PCSK9: variants seen among roughly 807,000 people sequenced by gnomAD.
PCSK9 encodes the protein proprotein convertase subtilisin/kexin type 9.
A neutral mutation model predicts 62.1 loss-of-function variants in PCSK9; 57 were observed. The observed-to-expected ratio is 0.92, with a 90% CI of 0.74 to 1.14. PCSK9 has a LOEUF of 1.14. Among genes scored for constraint, PCSK9 ranks in the 50% most tolerant of loss-of-function variants. The probability of loss-of-function intolerance (pLI) is 0.00; values close to 1 mark genes in which losing one functional copy is unlikely to be tolerated. For missense variants in PCSK9, 870 were observed against 959.8 expected (o/e 0.91, Z 1.24); for synonymous variants, 387 against 409.4 (o/e 0.95, Z 0.66).
At chr1:55,052,573 TC>T in intron 4 of PCSK9, 76 bp from the exon 5 acceptor site, 1 of 1,605,242 alleles carries the variant, frequency 6.2e-7, no homozygotes. Context: ...AGGGCGTTCA[TC>T]CATCCAGCCA....
At chr1:55,052,964 G>C (rs747875175) in intron 5 of PCSK9, among the ~76,000 whole-genome samples, 173 bp downstream of exon 5, 1 of 152,196 alleles carries the variant, frequency 6.6e-6, no homozygotes, top group Non-Finnish European at 1.5e-5. Flanking sequence ...GTGGCCACGA[G>C]TGCAGATGAA....
At chr1:55,057,916 T>C (rs1644727210) in intron 7 of PCSK9, 120 bp from the exon 8 acceptor site, 1 of 1,390,158 alleles carries the variant, frequency 7.2e-7, no homozygotes, top group African/African-American at 1.4e-5. Flanking sequence ...GAAGAGAGCT[T>C]AGTGTCTGTG....
In PCSK9 at chr1:55,063,991, G is replaced by T. The variant is rs1165967560; in HGVS notation, c.*407G>T. ...GGCAGGATTCTTCCCATGGATAGGG[G>T]AGGGGGCGGTAGGGGCTGCAGGGAC... On this transcript the variant is annotated 3_prime_UTR_variant, in exon 12 of 12. Coordinates refer to ENST00000302118, the MANE Select transcript of PCSK9 (RefSeq NM_174936.4). 3 of 217,380 alleles carry T rather than the reference G, an allele frequency of 1.4e-5. No homozygotes were observed. The highest frequency in any genetic ancestry group is 2.8e-5 in the Non-Finnish European group (3 of 108,716). The allele number at this position is 217,380 out of a possible 1,614,324, so 13.5% of individuals were successfully genotyped here. A position where few individuals can be genotyped will look rare whatever the true frequency, so the allele number is the denominator to read the frequency against.
Position 55,057,404 on chromosome 1 carries a change from G to T in PCSK9, c.1070G>T (p.Arg357Leu), listed in dbSNP as rs370507566. ...TLGTLGTNFGRCVDLFAPGED... is the reference protein window; with the variant it reads ...TLGTLGTNFGLCVDLFAPGED... ...GGGACTTTGGGGACCAACTTTGGCC[G>T]CTGTGTGGACCTCTTTGCCCCAGGG... Residue 357 changes from arginine to leucine, a missense_variant, in exon 7 of 12, where the codon CGC becomes CTC. Transcript: ENST00000302118. 8.1e-6 allele frequency: 13 copies of T among 1,614,150 alleles called. No homozygotes were observed. The highest frequency in any genetic ancestry group is 1.1e-5 in the Non-Finnish European group (13 of 1,180,034).
At chr1:55,057,834 AC>A (rs1342065362) in intron 7 of PCSK9, among the ~76,000 whole-genome samples, 2 of 152,198 alleles carry the variant, frequency 1.3e-5, no homozygotes, top group Non-Finnish European at 2.9e-5. Flanking sequence ...GACAGCAACT[AC>A]CAAGGCTTAG....
intron 3 of PCSK9, among the ~76,000 whole-genome samples, chr1:55,048,505 C>T (rs1163173857): frequency 2.0e-5 from 3 of 152,208 alleles, no homozygotes; most frequent in African/African-American, 2.4e-5. Flanking sequence ...CCGCTTCCCC[C>T]GAGTGTCTGT....
rs141502002 is a variant in PCSK9 at position 55,058,549 on chromosome 1, C to T, written c.1405C>T (p.Arg469Trp). Residue 469 changes from arginine (R) to tryptophan (W), a missense_variant, in exon 9 of 12, where the codon CGG becomes TGG. Arg to Trp is a moderately radical substitution (Grantham distance 101). Coordinates refer to ENST00000302118, the MANE Select transcript of PCSK9 (RefSeq NM_174936.4). ...TVWSAHSGPT[R>W]MATAVARCAP... ...ATGGTCAGCACACTCGGGGCCTACA[C>T]GGATGGCCACAGCCGTCGCCCGCTG... is the stretch of plus-strand genomic sequence containing the variant. The T allele has an allele frequency of 4.8e-4, 776 of 1,612,150 alleles. 7 individuals are homozygous for T. The African/African-American group carries it at 8.8e-3, about 18-fold the overall frequency.
Position 55,040,127 on chromosome 1 carries a change from C to G in PCSK9, c.207+83C>G, listed in dbSNP as rs1033480419. The G allele has an allele frequency of 2.7e-6, 4 of 1,493,898 alleles. No individual in the cohort carries two copies. The African/African-American group carries it at 5.6e-5, about 21-fold the overall frequency. 92.5% of individuals were successfully genotyped at this position (1,493,898 alleles called of 1,614,324 possible). On this transcript the variant is annotated intron_variant, in intron 1 of 11. Transcript: ENST00000302118. This position sits in a 1 kb window ranked among gnomAD's most constrained non-coding sequence, Gnocchi z 4.1. ...GTTTCCTCTCGGGCCTCAGTTTCCC[C>G]CCATGTAAGAGAGGAAGTGGAGTGC...
At position 55,052,382 on chromosome 1, in the gene PCSK9, G is replaced by A. The variant is rs1302868036; in HGVS notation, c.628G>A (p.Glu210Lys). The change falls in exon 4 of 12, where the codon GAG (glutamate) becomes AAG (lysine). Residue 210 changes from glutamate to lysine, a missense_variant. By Grantham distance (56) the Glu-to-Lys change is moderately conservative (BLOSUM62 1). Transcript: ENST00000302118. ...VMVTDFENVP[E>K]EDGTRFHRQA... is the part of the protein sequence containing the mutation. ...GGTCACCGACTTCGAGAATGTGCCC[G>A]AGGAGGACGGGACCCGCTTCCACAG... 1.1e-5 allele frequency: 17 copies of A among 1,613,746 alleles called. No homozygotes were observed. The highest frequency in any genetic ancestry group is 4.4e-5 in the South Asian group (4 of 91,074).
At chr1:55,063,120 TG>T (rs1644775038) in intron 11 of PCSK9, among the ~76,000 whole-genome samples, 1 of 152,062 alleles carries the variant, frequency 6.6e-6, no homozygotes, top group African/African-American at 2.4e-5. Flanking sequence ...GGTAGGCATC[TG>T]TCTATCTCCA....
rs1237783130 is a variant in PCSK9 at position 55,057,515 on chromosome 1, G to A, written c.1180+1G>A. 5 of 1,609,366 alleles carry A rather than the reference G, an allele frequency of 3.1e-6. No homozygotes were observed. The East Asian group carries it at 9.0e-5, about 29-fold the overall frequency. ...TCACAGGCTGCTGCCCACGTGGCTG[G>A]TAAGTCACCACCCCACTGCCTCGGC... On this transcript the variant is annotated splice_donor_variant, in intron 7 of 11. Transcript: ENST00000302118. LOFTEE classifies it high-confidence loss of function.
In PCSK9 at chr1:55,064,738, C is replaced by CAA. The variant is rs1189811063; in HGVS notation, c.*1155_*1156dup. The stretch of plus-strand genomic sequence containing the variant: ...GTCCTCTCTGTTGCCTTTTTACAGC[C>CAA]AACTTTTCTAGACCTGTTTTGCTTT... On this transcript the variant is annotated 3_prime_UTR_variant, in exon 12 of 12. Coordinates refer to ENST00000302118, the MANE Select transcript of PCSK9 (RefSeq NM_174936.4). 6.6e-6 allele frequency: 1 copy of CAA among 152,176 alleles called. No individual in the cohort carries two copies. The highest frequency in any genetic ancestry group is 1.5e-5 in the Non-Finnish European group (1 of 68,050). The allele number at this position is 152,176 out of a possible 1,614,324, so 9.4% of individuals were successfully genotyped here.
At chr1:55,053,287 G>A (rs28362244) in intron 5 of PCSK9, among the ~76,000 whole-genome samples, 2,246 of 152,176 alleles carry the variant, frequency 0.015, 58 homozygotes, top group African/African-American at 0.051. Flanking sequence ...ACTACATTTA[G>A]TCCACCCAGC....
chr1:55,051,688 C>G, intron 3 of PCSK9: 1 of 204,406 alleles, frequency 4.9e-6, no homozygotes, highest in Non-Finnish European at 1.0e-5. Flanking sequence ...TGACTGTTTT[C>G]TCTGAGGTTG....
intron 11 of PCSK9, among the ~76,000 whole-genome samples, chr1:55,063,036 T>G (rs1644773634): frequency 6.6e-6 from 1 of 151,870 alleles, no homozygotes; most frequent in Non-Finnish European, 1.5e-5. Flanking sequence ...CCTGGACAGA[T>G]GGAGTTGCCA....
chr1:55,041,494 C>G lies in PCSK9; in HGVS notation c.207+1450C>G, dbSNP rs1380130096. On this transcript the variant is annotated intron_variant, in intron 1 of 11. Transcript: ENST00000302118. ...ATCCTGAGAGGTGAGTAAGCAGAGG[C>G]TGTATGACCACCTGAACCAAGCCCT... Among the ~76,000 whole-genome samples the G allele has an allele frequency of 2.0e-5, 3 of 152,194 alleles. No individual in the cohort carries two copies. In the East Asian group the frequency reaches 5.8e-4, roughly 29 times the overall value.
intron 5 of PCSK9, among the ~76,000 whole-genome samples, chr1:55,055,400 G>A (rs1035304070): frequency 2.6e-5 from 4 of 152,118 alleles, no homozygotes; most frequent in Non-Finnish European, 4.4e-5. Flanking sequence ...TTCATGGAAA[G>A]GGATAATAAG....
chr1:55,055,321 GC>G (rs1644706003), intron 5 of PCSK9, among the ~76,000 whole-genome samples: 2 of 99,406 alleles, frequency 2.0e-5, no homozygotes, highest in African/African-American at 5.6e-5. Flanking sequence ...TCAGAGAGTG[GC>G]GGGGGAAGTT....
rs1398943846 is a variant in PCSK9, at chr1:55,039,825, T to C, written c.-13T>C. 6.4e-7 allele frequency: 1 copy of C among 1,567,434 alleles called. No individual in the cohort carries two copies. Among genetic ancestry groups the C allele is most frequent in the Non-Finnish European group, 8.6e-7 (1 of 1,157,368 alleles). On this transcript the variant is annotated 5_prime_UTR_variant, in exon 1 of 12. Transcript: ENST00000302118. ...GTCTCCTCGCCAGGACAGCAACCTC[T>C]CCCCTGGCCCTCATGGGCACCGTCA...
Sources: gnomAD v4.1 joint callset for allele counts (sites outside exome capture counted in the v4.1 genomes callset) on GRCh38, gnomAD v4.1.1 for gene constraint, Gnocchi (gnomAD v3.1) non-coding constraint, MANE v1.5 for transcripts, NCBI Gene and HGNC (gene_info 2026-07-23, HGNC 2026-07-21) for gene names.